The following MYO5B variants were observed in gnomAD, a reference collection of about 807,000 sequenced individuals.
The protein encoded by MYO5B is myosin VB, also known as unconventional myosin-Vb.
In MYO5B, 143 loss-of-function variants were observed where a neutral mutation model predicts 229.3. The observed-to-expected ratio is 0.62, with a 90% CI of 0.54 to 0.72. The LOEUF (loss-of-function observed/expected upper bound fraction) is 0.72. Among genes scored for constraint, MYO5B ranks in the 30% least tolerant of loss-of-function variants. The probability of loss-of-function intolerance (pLI) is 0.00; values close to 1 mark genes in which losing one functional copy is unlikely to be tolerated. For synonymous variants in MYO5B, 918 were observed against 885.2 expected, an observed-to-expected ratio of 1.04 and a Z score of -0.66; for missense variants, 2,321 against 2,331.0, an observed-to-expected ratio of 1.00 and a Z score of 0.09.
chr18:49,999,541 G>A (rs1191306866), intron 5 of MYO5B, among the ~76,000 whole-genome samples: 1 of 152,222 alleles, frequency 6.6e-6, no homozygotes, highest in Non-Finnish European at 1.5e-5. Context: ...ATAAAAAGTT[G>A]AATGATATGG....
intron 14 of MYO5B, among the ~76,000 whole-genome samples, chr18:49,950,995 G>T (rs539171075): frequency 6.6e-6 from 1 of 152,308 alleles, no homozygotes; most frequent in East Asian, 1.9e-4. Flanking sequence ...CCTTCTGGGA[G>T]TTTGGAATTT....
At chr18:50,028,899 C>T (rs2026359990) in intron 4 of MYO5B, among the ~76,000 whole-genome samples, 3 of 152,198 alleles carry the variant, frequency 2.0e-5, no homozygotes, top group East Asian at 1.9e-4. Context: ...ATGTTGGGTA[C>T]ACTGCAGATA....
chr18:49,823,584 TTTG>T lies in MYO5B; in HGVS notation c.*2884_*2886del, dbSNP rs2023799976. 1 of 152,280 alleles carries T rather than the reference TTTG, an allele frequency of 6.6e-6. No individual in the cohort carries two copies. The highest frequency in any genetic ancestry group is 1.5e-5 in the Non-Finnish European group (1 of 68,050). The allele number at this position is 152,280 out of a possible 1,614,324, so 9.4% of individuals were successfully genotyped here. A position where few individuals can be genotyped will look rare whatever the true frequency, so the allele number is the denominator to read the frequency against. ...AACTGTTCCAAGCTCCTAGTTTTGT[TTTG>T]TTTTTACAAAAGCCTTAAAATTTAG... is the stretch of plus-strand genomic sequence containing the variant. On this transcript the variant is annotated 3_prime_UTR_variant, in exon 40 of 40. Coordinates refer to ENST00000285039, the MANE Select transcript of MYO5B (RefSeq NM_001080467.3).
intron 5 of MYO5B, among the ~76,000 whole-genome samples, chr18:49,992,930 AGCAG>A (rs1248096149): frequency 6.6e-6 from 1 of 152,210 alleles, no homozygotes; most frequent in Admixed American, 6.5e-5. Flanking sequence ...GTTCTACATG[AGCAG>A]GCAGTCAAAT....
chr18:49,996,369 T>G (rs2025987198), intron 5 of MYO5B, among the ~76,000 whole-genome samples: 1 of 152,210 alleles, frequency 6.6e-6, no homozygotes, highest in African/African-American at 2.4e-5. Flanking sequence ...GCAAGAATGT[T>G]CCATTCAGAC....
At chr18:49,902,342 C>G (rs187904941) in intron 21 of MYO5B, among the ~76,000 whole-genome samples, 134 of 152,342 alleles carry the variant, frequency 8.8e-4, no homozygotes, top group Non-Finnish European at 1.5e-3. Flanking sequence ...TCCCATCCTA[C>G]AGTTCTTAAT....
intron 30 of MYO5B, among the ~76,000 whole-genome samples, chr18:49,854,659 C>T (rs1288781773): frequency 2.6e-5 from 4 of 152,184 alleles, no homozygotes; most frequent in Admixed American, 6.5e-5. Flanking sequence ...CAGGAATGCA[C>T]ATAACAATTA....
At chr18:49,896,004 C>T (rs1344384601) in intron 21 of MYO5B, among the ~76,000 whole-genome samples, 2 of 152,208 alleles carry the variant, frequency 1.3e-5, no homozygotes, top group Non-Finnish European at 2.9e-5. Context: ...CAACAATGGT[C>T]ATTGATTATT....
intron 1 of MYO5B, among the ~76,000 whole-genome samples, chr18:50,113,589 G>A (rs7407945): frequency 0.98 from 149,070 of 152,370 alleles, 73,010 homozygotes; most frequent in East Asian, 1. Flanking sequence ...TCAGGCGCAC[G>A]TACAAAATTG....
chr18:49,848,339 C>T (rs2024156623), intron 32 of MYO5B, among the ~76,000 whole-genome samples: 2 of 151,892 alleles, frequency 1.3e-5, no homozygotes, highest in Non-Finnish European at 2.9e-5. Context: ...GCTGGAAGGA[C>T]CCCACAGAAG....
intron 12 of MYO5B, among the ~76,000 whole-genome samples, chr18:49,961,323 T>C (rs1427061230): frequency 6.6e-6 from 1 of 152,148 alleles, no homozygotes; most frequent in African/African-American, 2.4e-5. Flanking sequence ...TCTAGTGAAA[T>C]GCTAAAAACC....
intron 1 of MYO5B, among the ~76,000 whole-genome samples, chr18:50,059,514 A>G (rs1364035827): frequency 6.6e-6 from 1 of 152,218 alleles, no homozygotes; most frequent in Non-Finnish European, 1.5e-5. Context: ...GATTTTGTAT[A>G]TGCAGATCTG....
intron 1 of MYO5B, among the ~76,000 whole-genome samples, chr18:50,122,705 TAATA>T (rs1378157722): frequency 1.8e-4 from 23 of 125,512 alleles, no homozygotes; most frequent in African/African-American, 6.7e-4. Flanking sequence ...ATCTCAAAAA[TAATA>T]AATAAAAATT....
intron 14 of MYO5B, among the ~76,000 whole-genome samples, chr18:49,937,953 C>G (rs1456754326): frequency 6.6e-6 from 1 of 152,024 alleles, no homozygotes; most frequent in Non-Finnish European, 1.5e-5. Context: ...CATCCTGAAA[C>G]CCAGTGAATT....
chr18:50,089,952 T>C (rs533850674), intron 1 of MYO5B, among the ~76,000 whole-genome samples: 19 of 152,250 alleles, frequency 1.2e-4, no homozygotes, highest in African/African-American at 4.1e-4. Flanking sequence ...ATGAATGACA[T>C]ACCTGGTCAA....
chr18:50,157,466 T>TA (rs925536666), intron 1 of MYO5B, among the ~76,000 whole-genome samples: 3 of 152,294 alleles, frequency 2.0e-5, no homozygotes, highest in Admixed American at 2.0e-4. Flanking sequence ...CGCTCCCCTA[T>TA]AATTTCTAAC....
intron 24 of MYO5B, among the ~76,000 whole-genome samples, chr18:49,878,638 C>T (rs1441849960): frequency 1.3e-5 from 2 of 152,138 alleles, no homozygotes; most frequent in East Asian, 1.9e-4. Context: ...AACTCCCACA[C>T]CCCATTACTG....
chr18:49,854,303 G>A (rs1443212496), intron 30 of MYO5B, among the ~76,000 whole-genome samples: 2 of 152,180 alleles, frequency 1.3e-5, no homozygotes, highest in Non-Finnish European at 2.9e-5. Flanking sequence ...CTGGTGTCAT[G>A]ACAAGAAGCA....
rs1167177575 is a variant in MYO5B, at chr18:49,856,858, T to C, written c.3977A>G (p.Asp1326Gly). 2 of 1,614,062 alleles carry C rather than the reference T, an allele frequency of 1.2e-6. No homozygotes were observed. The highest frequency in any genetic ancestry group is 3.3e-5 in the Admixed American group (2 of 60,010). ...KTEDWGYLNEDGELGLAYQGL... is the reference protein window; with the variant it reads ...KTEDWGYLNEGGELGLAYQGL... ...TTGGTAGGCCAAGCCGAGTTCTCCA[T>C]CTTCATTTAAATATCCCCAATCCTC... is the stretch of plus-strand genomic sequence containing the variant. The change falls in exon 30 of 40, where the codon GAT becomes GGT. Residue 1326 changes from aspartate to glycine, a missense_variant. Transcript: ENST00000285039.
Sources: allele counts gnomAD v4.1 joint callset (sites outside exome capture counted in the v4.1 genomes callset), GRCh38; gene constraint gnomAD v4.1.1; transcripts MANE v1.5; gene names NCBI Gene and HGNC (gene_info 2026-07-23, HGNC 2026-07-21).